The following EHBP1 variants were observed in gnomAD, a reference collection of about 807,000 sequenced individuals.
The protein encoded by EHBP1 is EH domain binding protein 1.
A neutral mutation model predicts 144.0 loss-of-function variants in EHBP1; 55 were observed. The observed-to-expected ratio is 0.38, with a 90% CI of 0.31 to 0.48. EHBP1 has a LOEUF of 0.48. Ranked by LOEUF, EHBP1 falls within the 20% of genes least tolerant of loss-of-function variation. The pLI is 0.98. For missense variants in EHBP1, 1,200 were observed against 1,364.2 expected, an observed-to-expected ratio of 0.88 and a Z score of 1.90; for synonymous variants, 469 against 472.7, an observed-to-expected ratio of 0.99 and a Z score of 0.10.
intron 10 of EHBP1, among the ~76,000 whole-genome samples, chr2:62,918,253 C>T (rs2054798679): frequency 6.6e-6 from 1 of 152,060 alleles, no homozygotes; most frequent in African/African-American, 2.4e-5. Context: ...ATTTCTTTCT[C>T]TCTACTACTC....
intron 5 of EHBP1, among the ~76,000 whole-genome samples, chr2:62,814,822 G>C (rs1469447516): frequency 6.6e-6 from 1 of 152,166 alleles, no homozygotes; most frequent in African/African-American, 2.4e-5. Flanking sequence ...TCAGGTCAAA[G>C]TGAGACAGGT....
At chr2:62,732,530 A>G (rs1169429599) in intron 2 of EHBP1, among the ~76,000 whole-genome samples, 1 of 152,016 alleles carries the variant, frequency 6.6e-6, no homozygotes, top group Non-Finnish European at 1.5e-5. Flanking sequence ...TCGTGATAAG[A>G]GTTCTCATGA....
In EHBP1 at chr2:63,021,924, G is replaced by T. The variant is rs1311943634; in HGVS notation, c.3104-15611G>T. 5.3e-5 allele frequency among the ~76,000 whole-genome samples: 8 copies of T among 151,912 alleles called. No individual in the cohort carries two copies. In the East Asian group the frequency reaches 1.6e-3, roughly 30 times the overall value. ...TGGGATTACAGGCACCTGCCACCACGCACAGCTAATTTTTTGTATTTTTAG... is the reference window on the plus strand; with the variant it reads ...TGGGATTACAGGCACCTGCCACCACTCACAGCTAATTTTTTGTATTTTTAG... On this transcript the variant is annotated intron_variant, in intron 19 of 22. Coordinates refer to ENST00000431489, the MANE Select transcript of EHBP1 (RefSeq NM_001142616.3).
At chr2:62,882,863 C>G (rs2051580386) in intron 10 of EHBP1, among the ~76,000 whole-genome samples, 1 of 141,134 alleles carries the variant, frequency 7.1e-6, no homozygotes, top group Non-Finnish European at 1.5e-5. Flanking sequence ...GCCTGGGCAA[C>G]AAGAGTGAAA....
chr2:62,960,165 A>ACTTACCTAAGAGAATAT (rs2057926409), intron 14 of EHBP1, among the ~76,000 whole-genome samples: 4 of 152,204 alleles, frequency 2.6e-5, no homozygotes, highest in Non-Finnish European at 5.9e-5. Flanking sequence ...CTCAAAATCC[A>ACTTACCTAAGAGAATAT]TCTGGTAACC....
chr2:63,025,869 A>G (rs2060951176), intron 19 of EHBP1, among the ~76,000 whole-genome samples: 1 of 152,220 alleles, frequency 6.6e-6, no homozygotes, highest in Non-Finnish European at 1.5e-5. Flanking sequence ...GGCAATTAGC[A>G]CAAGGATTTT....
intron 15 of EHBP1, among the ~76,000 whole-genome samples, chr2:62,981,069 CAAAAAAAAAA>C (rs754301803): frequency 1.0e-4 from 5 of 48,288 alleles, no homozygotes; most frequent in Admixed American, 7.5e-4. Flanking sequence ...GATGCTGTCT[CAAAAAAAAAA>C]AAAAAAAAAA....
rs1345844125 is a variant in EHBP1 at position 62,722,096 on chromosome 2, A to G, written c.104+14801A>G. On this transcript the variant is annotated intron_variant, in intron 2 of 22. Transcript: ENST00000431489. ...GTTGTACCATAGTGCCCCCTTACCC[A>G]TAAACACTAGAGTATGTATTTCTTA... Among the ~76,000 whole-genome samples the G allele has an allele frequency of 3.3e-5, 5 of 152,066 alleles. No homozygotes were observed. The East Asian group carries it at 9.6e-4, about 29-fold the overall frequency.
At chr2:62,730,771 C>G (rs111765463) in intron 2 of EHBP1, among the ~76,000 whole-genome samples, 1 of 139,128 alleles carries the variant, frequency 7.2e-6, no homozygotes, top group African/African-American at 2.7e-5. Context: ...GAGAGACAGA[C>G]AAAGAGACAG....
rs370548938 is a variant in EHBP1 at position 62,722,344 on chromosome 2, G to A, written c.104+15049G>A. ...GATGGGGTTTTACTGTGTTAGCCAG[G>A]TTGGTCTCGATCTCGTGATCCACCT... On this transcript the variant is annotated intron_variant, in intron 2 of 22. Transcript: ENST00000431489. Among the ~76,000 whole-genome samples the A allele has an allele frequency of 1.0e-3, 153 of 151,946 alleles. 2 individuals carry two copies. Among genetic ancestry groups the A allele is most frequent in the African/African-American group, 3.6e-3 (150 of 41,460 alleles).
At chr2:62,864,663 C>A in intron 8 of EHBP1, 68 bp from the exon 9 acceptor site, 1 of 1,455,508 alleles carries the variant, frequency 6.9e-7, no homozygotes, top group Non-Finnish European at 9.4e-7. Flanking sequence ...TATTTGAGAA[C>A]ACTAAACAAT....
At chr2:62,915,541 C>G (rs1333083828) in intron 10 of EHBP1, among the ~76,000 whole-genome samples, 2 of 151,962 alleles carry the variant, frequency 1.3e-5, no homozygotes, top group African/African-American at 4.8e-5. Flanking sequence ...TTGGGCATGT[C>G]ACATGTATAA....
intron 1 of EHBP1, among the ~76,000 whole-genome samples, chr2:62,681,340 G>GTGTGTATA (rs1171760462): frequency 1.7e-5 from 1 of 58,552 alleles, no homozygotes; most frequent in African/African-American, 8.6e-5. Context: ...ATGTGTGTGT[G>GTGTGTATA]TATATATATA....
chr2:63,007,140 G>C (rs537860385), intron 19 of EHBP1, among the ~76,000 whole-genome samples: 4 of 151,946 alleles, frequency 2.6e-5, no homozygotes, highest in African/African-American at 9.6e-5. Flanking sequence ...CAATGCTAGA[G>C]CTTTAAGACA....
chr2:62,759,616 A>T lies in EHBP1; in HGVS notation c.163-4650A>T, dbSNP rs558552634. ...GACAGGGTTTCACCATGTTCACCAG[A>T]CTGGTCTCAAACTCCTGACCTCAAG... On this transcript the variant is annotated intron_variant, in intron 3 of 22. Transcript: ENST00000431489. Among the ~76,000 whole-genome samples, 5 of 152,016 alleles carry T rather than the reference A, an allele frequency of 3.3e-5. No individual in the cohort carries two copies. In the East Asian group the frequency reaches 9.7e-4, roughly 29 times the overall value.
intron 10 of EHBP1, among the ~76,000 whole-genome samples, chr2:62,915,464 T>C (rs1007477103): frequency 6.6e-6 from 1 of 152,150 alleles, no homozygotes; most frequent in Non-Finnish European, 1.5e-5. Context: ...TAATTTTCTC[T>C]TTTTTATTTT....
In EHBP1 at chr2:62,805,849, A is replaced by T. The variant is rs115350243; in HGVS notation, c.313-20238A>T. 4.9e-3 allele frequency among the ~76,000 whole-genome samples: 743 copies of T among 152,278 alleles called. 4 individuals carry two copies. The highest frequency in any genetic ancestry group is 0.017 in the African/African-American group (710 of 41,556). On this transcript the variant is annotated intron_variant, in intron 5 of 22. Transcript: ENST00000431489. Reference sequence around the variant, plus strand: ...TTAAAGTGAGTTTCTTGTAGACAATATAAAGTTGGGTCTTGTTTTTTGAAT... The same window carrying T: ...TTAAAGTGAGTTTCTTGTAGACAATTTAAAGTTGGGTCTTGTTTTTTGAAT...
At chr2:62,737,373 G>A (rs1463448267) in intron 2 of EHBP1, among the ~76,000 whole-genome samples, 3 of 152,118 alleles carry the variant, frequency 2.0e-5, no homozygotes, top group African/African-American at 7.2e-5. Context: ...CCGCGACTGG[G>A]TCCCCCTGGA....
intron 21 of EHBP1, chr2:63,044,084 G>A (rs2153381578): frequency 6.7e-6 from 1 of 148,926 alleles, no homozygotes; most frequent in Admixed American, 6.7e-5. Context: ...GTAGACTGGG[G>A]GTTGATTGAC....
Sources: allele counts gnomAD v4.1 joint callset (sites outside exome capture counted in the v4.1 genomes callset), GRCh38; gene constraint gnomAD v4.1.1; transcripts MANE v1.5; gene names NCBI Gene and HGNC (gene_info 2026-07-23, HGNC 2026-07-21).